The following TRPM3 variants were observed in gnomAD, a reference collection of about 807,000 sequenced individuals.
TRPM3 encodes transient receptor potential cation channel subfamily M member 3.
A neutral mutation model predicts 181.2 loss-of-function variants in TRPM3; 77 were observed. That is an observed-to-expected ratio of 0.42 (90% CI 0.35 to 0.51). TRPM3 has a LOEUF of 0.51. Among genes scored for constraint, TRPM3 ranks in the 20% least tolerant of loss-of-function variants. TRPM3 has a pLI of 0.01. For missense variants in TRPM3, 1,759 were observed against 2,196.7 expected (o/e 0.80, Z 3.98); for synonymous variants, 745 against 796.4 (o/e 0.94, Z 1.09).
intron 25 of TRPM3, among the ~76,000 whole-genome samples, chr9:70,540,596 A>G: frequency 6.6e-6 from 1 of 152,218 alleles, no homozygotes; most frequent in East Asian, 1.9e-4. Flanking sequence ...GCTACTCAAG[A>G]GGCTGAGGTG....
intron 1 of TRPM3, among the ~76,000 whole-genome samples, chr9:70,980,391 G>A (rs2097353118): frequency 6.6e-6 from 1 of 150,650 alleles, no homozygotes; most frequent in Non-Finnish European, 1.5e-5. Flanking sequence ...AGAGAGAGAG[G>A]CGAAGGAGGC....
At chr9:71,254,108 C>T (rs527794144) in intron 1 of TRPM3, among the ~76,000 whole-genome samples, 6 of 152,190 alleles carry the variant, frequency 3.9e-5, no homozygotes, top group South Asian at 2.1e-4. Context: ...TTAGTAGAGA[C>T]GGTGTTTCAC....
chr9:70,598,253 T>C (rs2059347317), intron 21 of TRPM3, among the ~76,000 whole-genome samples, 166 bp downstream of exon 21: 1 of 152,216 alleles, frequency 6.6e-6, no homozygotes, highest in African/African-American at 2.4e-5. Context: ...TGTATATAGA[T>C]GTAGTCAAAC....
At chr9:70,761,760 A>C (rs1423847058) in intron 7 of TRPM3, 36 bp from the exon 8 acceptor site, 3 of 1,589,950 alleles carry the variant, frequency 1.9e-6, no homozygotes, top group East Asian at 4.5e-5. Context: ...CAGGTCAACC[A>C]ACTCCTATTC....
intron 8 of TRPM3, among the ~76,000 whole-genome samples, chr9:70,696,158 C>T (rs552383505): frequency 9.8e-5 from 15 of 152,304 alleles, no homozygotes; most frequent in East Asian, 9.6e-4. Flanking sequence ...GTATGGCTGG[C>T]GCATTTTGGG....
rs542855672 is a variant in TRPM3 at position 71,044,776 on chromosome 9, A to G, written c.177+76402T>C. 7.4e-3 allele frequency among the ~76,000 whole-genome samples: 1,118 copies of G among 151,952 alleles called. 5 individuals are homozygous for G. Among genetic ancestry groups the G allele is most frequent in the Non-Finnish European group, 0.011 (771 of 67,980 alleles). ...AACCTCCGCCTCCCGGGTTCACGCC[A>G]TTCTCCTGCCTCAGCCTCCCAAGTA... On this transcript the variant is annotated intron_variant, in intron 1 of 25. Transcript: ENST00000677713.
intron 1 of TRPM3, among the ~76,000 whole-genome samples, chr9:71,006,172 G>A (rs1457421477): frequency 6.6e-6 from 1 of 151,966 alleles, no homozygotes; most frequent in Non-Finnish European, 1.5e-5. Context: ...TTGCCACAAA[G>A]CAAAAATCTG....
At chr9:70,678,700 CT>C (rs2064664147) in intron 9 of TRPM3, among the ~76,000 whole-genome samples, 1 of 152,204 alleles carries the variant, frequency 6.6e-6, no homozygotes, top group South Asian at 2.1e-4. Context: ...AGAATAAAAA[CT>C]GGATTGCACA....
Position 70,761,697 on chromosome 9 carries a change from C to G in TRPM3, c.1176G>C (p.Gln392His). Reference protein sequence around the residue: ...GGLINESLRDQLLVTIQKTFT... With the variant: ...GGLINESLRDHLLVTIQKTFT... ...AAGTCTTCTGTATAGTCACCAACAG[C>G]TGGTCCCTCAAAGATTCATTTATCA... Residue 392 changes from glutamine (Q) to histidine (H), a missense_variant, in exon 8 of 26, where the codon CAG becomes CAC. Coordinates refer to ENST00000677713, the MANE Select transcript of TRPM3 (RefSeq NM_001366145.2). The G allele has an allele frequency of 4.3e-6, 7 of 1,612,810 alleles. No homozygotes were observed. Among genetic ancestry groups the G allele is most frequent in the Non-Finnish European group, 5.1e-6 (6 of 1,179,054 alleles).
At chr9:71,121,085 C>A (rs2134385966) in intron 1 of TRPM3, 93 bp downstream of exon 1, 1 of 1,294,262 alleles carries the variant, frequency 7.7e-7, no homozygotes, top group Non-Finnish European at 1.1e-6. Flanking sequence ...CATTTAGGCT[C>A]CCCCAAAGGT....
At chr9:71,209,123 T>A (rs74663786) in intron 1 of TRPM3, among the ~76,000 whole-genome samples, 2,213 of 152,206 alleles carry the variant, frequency 0.015, 64 homozygotes, top group African/African-American at 0.051. Context: ...AGCAAATAGA[T>A]GCCTCGTTTA....
chr9:71,306,264 G>C (rs1183085305), intron 1 of TRPM3, among the ~76,000 whole-genome samples: 1 of 152,164 alleles, frequency 6.6e-6, no homozygotes, highest in East Asian at 1.9e-4. Flanking sequence ...GACTGAACAG[G>C]AGATCCCTGA....
At chr9:71,422,087 T>C (rs1049823322) in intron 1 of TRPM3, among the ~76,000 whole-genome samples, 2 of 152,026 alleles carry the variant, frequency 1.3e-5, no homozygotes, top group Non-Finnish European at 1.5e-5. Flanking sequence ...GAAATATACA[T>C]GTTAATAAAC....
intron 7 of TRPM3, among the ~76,000 whole-genome samples, chr9:70,769,643 A>T (rs945258379): frequency 3.7e-4 from 56 of 152,170 alleles, no homozygotes; most frequent in East Asian, 3.9e-4. Flanking sequence ...TAAGAAAATT[A>T]AAAAAAATCA....
chr9:71,111,476 C>T (rs2071080355), intron 1 of TRPM3, among the ~76,000 whole-genome samples: 1 of 152,056 alleles, frequency 6.6e-6, no homozygotes, highest in African/African-American at 2.4e-5. Context: ...GATGGCATCG[C>T]GGGGGTTGGG....
At chr9:71,229,403 C>T (rs2080901629) in intron 1 of TRPM3, among the ~76,000 whole-genome samples, 1 of 152,128 alleles carries the variant, frequency 6.6e-6, no homozygotes, top group Admixed American at 6.5e-5. Context: ...GGACATTAAA[C>T]TTGGCAAAGG....
intron 1 of TRPM3, among the ~76,000 whole-genome samples, chr9:71,250,450 CA>C (rs1162351790): frequency 6.6e-6 from 1 of 152,128 alleles, no homozygotes; most frequent in African/African-American, 2.4e-5. Context: ...ACTGGTTATA[CA>C]ATGGTGAGCA....
At chr9:70,938,772 G>A (rs112913104) in intron 1 of TRPM3, among the ~76,000 whole-genome samples, 2,970 of 151,864 alleles carry the variant, frequency 0.02, 51 homozygotes, top group East Asian at 0.047. Context: ...CTAACACAGC[G>A]AAACCCCGTC....
intron 22 of TRPM3, among the ~76,000 whole-genome samples, chr9:70,557,729 T>C (rs1290533855): frequency 6.6e-6 from 1 of 152,224 alleles, no homozygotes; most frequent in Non-Finnish European, 1.5e-5. Flanking sequence ...CTGGGCCTCC[T>C]CCTTCCTTGC....
Sources: gnomAD v4.1 joint callset for allele counts (sites outside exome capture counted in the v4.1 genomes callset) on GRCh38, gnomAD v4.1.1 for gene constraint, MANE v1.5 for transcripts, NCBI Gene and HGNC (gene_info 2026-07-23, HGNC 2026-07-21) for gene names.